The following DOCK4 variants were observed in gnomAD, a reference collection of about 807,000 sequenced individuals.
DOCK4 encodes the protein dedicator of cytokinesis 4.
A neutral mutation model predicts 268.1 loss-of-function variants in DOCK4; 97 were observed. That is an observed-to-expected ratio of 0.36 (90% CI 0.31 to 0.43). The LOEUF (loss-of-function observed/expected upper bound fraction) is 0.43. Among genes scored for constraint, DOCK4 ranks in the 20% least tolerant of loss-of-function variants. The pLI is 1.00. For synonymous variants in DOCK4, 954 were observed against 887.2 expected, an observed-to-expected ratio of 1.08 and a Z score of -1.34; for missense variants, 2,145 against 2,455.7, an observed-to-expected ratio of 0.87 and a Z score of 2.67.
intron 36 of DOCK4, among the ~76,000 whole-genome samples, chr7:111,777,705 G>T (rs1399681532): frequency 6.6e-6 from 1 of 152,126 alleles, no homozygotes; most frequent in Non-Finnish European, 1.5e-5. Context: ...GAGGGACAAG[G>T]TGGGAGGTAA....
intron 16 of DOCK4, among the ~76,000 whole-genome samples, chr7:111,889,949 C>T (rs1412717840): frequency 1.3e-5 from 2 of 152,170 alleles, no homozygotes; most frequent in Non-Finnish European, 2.9e-5. Context: ...TGGTTCTTGA[C>T]AATCAACAGT....
At chr7:112,156,066 G>C (rs1816587525) in intron 1 of DOCK4, among the ~76,000 whole-genome samples, 1 of 152,120 alleles carries the variant, frequency 6.6e-6, no homozygotes. Flanking sequence ...GAGACCCCTA[G>C]ATGTAACAGA....
At chr7:112,150,130 T>C (rs1399767367) in intron 1 of DOCK4, among the ~76,000 whole-genome samples, 1 of 152,226 alleles carries the variant, frequency 6.6e-6, no homozygotes, top group Non-Finnish European at 1.5e-5. Flanking sequence ...GGATATAATC[T>C]GAACTTAGGT....
rs1210971817 is a variant in DOCK4, at chr7:111,933,279, C to CGTAT, written c.1066+2260_1066+2261insATAC. Among the ~76,000 whole-genome samples the CGTAT allele has an allele frequency of 5.6e-4, 51 of 91,216 alleles. 2 individuals are homozygous for CGTAT. The highest frequency in any genetic ancestry group is 1.3e-3 in the African/African-American group (25 of 19,440). The allele number at this position is 91,216 out of a possible 152,430, so 59.8% of individuals were successfully genotyped here. ...ATACTTATATATATATACATATATA[C>CGTAT]ATATATATATATATATATATTTTTT... is the stretch of plus-strand genomic sequence containing the variant. On this transcript the variant is annotated intron_variant, in intron 12 of 52. Coordinates refer to ENST00000428084, the MANE Select transcript of DOCK4 (RefSeq NM_001363540.2).
chr7:111,887,789 G>T (rs552943638), intron 16 of DOCK4, among the ~76,000 whole-genome samples: 93 of 151,026 alleles, frequency 6.2e-4, no homozygotes, highest in African/African-American at 2.2e-3. Flanking sequence ...GCTTGAGCAT[G>T]TTTATGATCT....
chr7:112,128,292 TG>T lies in DOCK4; in HGVS notation c.37+77809del, dbSNP rs914624753. Among the ~76,000 whole-genome samples, 176 of 149,482 alleles carry T rather than the reference TG, an allele frequency of 1.2e-3. 1 individual carries two copies. Among genetic ancestry groups the T allele is most frequent in the East Asian group, 4.8e-3 (24 of 5,040 alleles). On this transcript the variant is annotated intron_variant, in intron 1 of 52. Transcript: ENST00000428084. Reference sequence around the variant, plus strand: ...CCAGCCGCCCCGTCCGGGAGGGAGGTGGGGGGGGTCAGCCCCCTGCCCGGCC... The same window carrying T: ...CCAGCCGCCCCGTCCGGGAGGGAGGTGGGGGGGTCAGCCCCCTGCCCGGCC...
intron 1 of DOCK4, among the ~76,000 whole-genome samples, chr7:112,181,623 G>GAGTA (rs1200009094): frequency 9.4e-6 from 1 of 106,852 alleles, no homozygotes; most frequent in African/African-American, 4.0e-5. Context: ...CTGAGCAACA[G>GAGTA]AGTAAGACAC....
intron 1 of DOCK4, among the ~76,000 whole-genome samples, chr7:112,179,152 T>C (rs1047214181): frequency 6.6e-6 from 1 of 152,188 alleles, no homozygotes; most frequent in East Asian, 1.9e-4. Context: ...TTTAGAAGGC[T>C]GAGGCAGGAG....
chr7:111,959,548 T>A (rs913937215), intron 8 of DOCK4, among the ~76,000 whole-genome samples: 1 of 152,300 alleles, frequency 6.6e-6, no homozygotes, highest in East Asian at 1.9e-4. Context: ...AAAAGCCATA[T>A]CTGCTCTCTT....
chr7:111,912,437 A>T (rs923868339), intron 13 of DOCK4, among the ~76,000 whole-genome samples: 2 of 152,192 alleles, frequency 1.3e-5, no homozygotes, highest in African/African-American at 2.4e-5. Context: ...TCTATGGAAG[A>T]TCAAACACAA....
rs146634066 is a variant in DOCK4, at chr7:111,927,389, C to T, written c.1066+8151G>A. On this transcript the variant is annotated intron_variant, in intron 12 of 52. Transcript: ENST00000428084. ...TGTCACAGAATGTCAAATGAAAAGG[C>T]ATTAAAGACATGTGAAATTATTTAC... 2.6e-3 allele frequency among the ~76,000 whole-genome samples: 393 copies of T among 152,246 alleles called. 2 individuals carry two copies. The highest frequency in any genetic ancestry group is 4.0e-3 in the Non-Finnish European group (271 of 68,022).
intron 1 of DOCK4, among the ~76,000 whole-genome samples, chr7:112,162,437 G>A (rs114396580): frequency 1.1e-3 from 160 of 152,130 alleles, no homozygotes; most frequent in African/African-American, 3.0e-3. Flanking sequence ...TGTGACCCAA[G>A]CAGGACCTGT....
At chr7:111,761,162 C>G (rs79290703) in intron 39 of DOCK4, among the ~76,000 whole-genome samples, 2,679 of 151,806 alleles carry the variant, frequency 0.018, 85 homozygotes, top group African/African-American at 0.062. Context: ...CCACTTCAAG[C>G]AATTCTTCTG....
rs574168468 is a variant in DOCK4, at chr7:112,144,455, CTGAG to C, written c.37+61643_37+61646del. 7.0e-3 allele frequency among the ~76,000 whole-genome samples: 1,072 copies of C among 152,314 alleles called. 9 individuals are homozygous for C. The Middle Eastern group carries it at 0.071, about 10-fold the overall frequency. On this transcript the variant is annotated intron_variant, in intron 1 of 52. Coordinates refer to ENST00000428084, the MANE Select transcript of DOCK4 (RefSeq NM_001363540.2). The stretch of plus-strand genomic sequence containing the variant: ...AGTTTGACATTTTAGCACCATATGG[CTGAG>C]TGAGGATCCAAAGGCCACACAAAAA...
intron 27 of DOCK4, chr7:111,820,120 GAAGCA>G (rs1449532261): frequency 6.6e-6 from 1 of 152,206 alleles, no homozygotes; most frequent in Non-Finnish European, 1.5e-5. Flanking sequence ...CTGCATTTAT[GAAGCA>G]AAGCAAACCT....
chr7:112,106,532 A>G (rs1811160121), intron 1 of DOCK4, among the ~76,000 whole-genome samples: 1 of 152,210 alleles, frequency 6.6e-6, no homozygotes, highest in African/African-American at 2.4e-5. Context: ...ACCACGGTGG[A>G]TGGCAGAAAT....
chr7:112,188,536 G>C (rs1819651107), intron 1 of DOCK4, among the ~76,000 whole-genome samples: 1 of 152,172 alleles, frequency 6.6e-6, no homozygotes, highest in Admixed American at 6.5e-5. Context: ...TTTCAGATAT[G>C]AAGAGCTTTA....
intron 36 of DOCK4, among the ~76,000 whole-genome samples, chr7:111,771,460 G>A (rs1232953601): frequency 1.3e-5 from 2 of 152,142 alleles, no homozygotes; most frequent in South Asian, 2.1e-4. Flanking sequence ...GGGATTGAAC[G>A]TGAGATGGAC....
intron 16 of DOCK4, among the ~76,000 whole-genome samples, chr7:111,881,806 T>C (rs1807415127): frequency 6.6e-6 from 1 of 152,212 alleles, no homozygotes; most frequent in African/African-American, 2.4e-5. Context: ...GTCATTATGT[T>C]AAGTGAAATA....
Sources: allele counts gnomAD v4.1 joint callset (sites outside exome capture counted in the v4.1 genomes callset), GRCh38; gene constraint gnomAD v4.1.1; transcripts MANE v1.5; gene names NCBI Gene and HGNC (gene_info 2026-07-23, HGNC 2026-07-21).